DHRS7C: variants seen among roughly 807,000 people sequenced by gnomAD.
DHRS7C encodes dehydrogenase/reductase 7C.
DHRS7C carries 28 observed loss-of-function variants against 29.6 expected under a neutral mutation model. That is an observed-to-expected ratio of 0.95 (90% CI 0.70 to 1.30). The LOEUF (loss-of-function observed/expected upper bound fraction) is 1.30. Among genes scored for constraint, DHRS7C ranks in the 50% most tolerant of loss-of-function variants. The pLI is 0.00. For missense variants in DHRS7C, 403 were observed against 393.3 expected, an observed-to-expected ratio of 1.02 and a Z score of -0.21; for synonymous variants, 158 against 160.2, an observed-to-expected ratio of 0.99 and a Z score of 0.10.
intron 1 of DHRS7C, among the ~76,000 whole-genome samples, chr17:9,786,105 C>T (rs918723000): frequency 2.4e-4 from 36 of 151,736 alleles, no homozygotes; most frequent in Non-Finnish European, 4.9e-4. Context: ...GGTGGATTAC[C>T]TGAGGTCAGG....
In DHRS7C at chr17:9,774,876, G is replaced by GGTGGC. The variant is rs2066353325; in HGVS notation, c.572-1959_572-1955dup. Among the ~76,000 whole-genome samples the GGTGGC allele has an allele frequency of 6.6e-6, 1 of 152,144 alleles. No individual in the cohort carries two copies. The highest frequency in any genetic ancestry group is 2.4e-5 in the African/African-American group (1 of 41,424). On this transcript the variant is annotated intron_variant, in intron 4 of 5. Transcript: ENST00000571134. The surrounding 1 kb of genome is among the most constrained non-coding windows in gnomAD (Gnocchi z 5.0). Reference sequence around the variant, plus strand: ...AGAAGAGAATTTGGGGCCAGTCCAGGGTGGCATGGCTTCAGTTCTGACATT... The same window carrying GGTGGC: ...AGAAGAGAATTTGGGGCCAGTCCAGGGTGGCGTGGCATGGCTTCAGTTCTGACATT...
Position 9,771,806 on chromosome 17 carries a change from G to T in DHRS7C, c.728-110C>A. 4.4e-6 allele frequency: 5 copies of T among 1,143,834 alleles called. No individual in the cohort carries two copies. In the East Asian group the frequency reaches 9.5e-5, roughly 22 times the overall value. 70.9% of individuals were successfully genotyped at this position (1,143,834 alleles called of 1,614,324 possible). On this transcript the variant is annotated intron_variant, in intron 5 of 5. Coordinates refer to ENST00000571134, the MANE Select transcript of DHRS7C (RefSeq NM_001105571.3). ...GGGCGGGAAGCGTGGGCTGTCCCCGGAGTCACAGGTTCCAGGCCCCCTCCG... is the reference window on the plus strand; with the variant it reads ...GGGCGGGAAGCGTGGGCTGTCCCCGTAGTCACAGGTTCCAGGCCCCCTCCG...
intron 1 of DHRS7C, among the ~76,000 whole-genome samples, chr17:9,789,969 C>T (rs932163203): frequency 6.6e-6 from 1 of 152,140 alleles, no homozygotes; most frequent in Non-Finnish European, 1.5e-5. Context: ...CTTAGAGAGC[C>T]TAGTCTATCT....
At chr17:9,779,010 G>A (rs994434146) in intron 3 of DHRS7C, among the ~76,000 whole-genome samples, 1 of 152,094 alleles carries the variant, frequency 6.6e-6, no homozygotes, top group Non-Finnish European at 1.5e-5. Context: ...CCCAGGTTCA[G>A]AAGATCCTCC....
chr17:9,775,730 A>G lies in DHRS7C; in HGVS notation c.571+1463T>C, dbSNP rs1461497456. On this transcript the variant is annotated intron_variant, in intron 4 of 5. Transcript: ENST00000571134. This position sits in a 1 kb window ranked among gnomAD's most constrained non-coding sequence, Gnocchi z 4.2. ...TATGGAAAAAGGAAGGTAAAACACTACTAGAGCGGGTGTTATGGGTTGAAT... is the reference window on the plus strand; with the variant it reads ...TATGGAAAAAGGAAGGTAAAACACTGCTAGAGCGGGTGTTATGGGTTGAAT... Among the ~76,000 whole-genome samples the G allele has an allele frequency of 2.0e-5, 3 of 152,190 alleles. No homozygotes were observed. The highest frequency in any genetic ancestry group is 4.4e-5 in the Non-Finnish European group (3 of 68,044).
chr17:9,783,564 A>G (rs2066405422), intron 1 of DHRS7C, among the ~76,000 whole-genome samples: 1 of 152,246 alleles, frequency 6.6e-6, no homozygotes, highest in Non-Finnish European at 1.5e-5. Context: ...AAGAGTTAGC[A>G]GTTCAAGTCT....
intron 1 of DHRS7C, among the ~76,000 whole-genome samples, chr17:9,788,808 A>C (rs956282075): frequency 6.6e-5 from 10 of 152,314 alleles, no homozygotes; most frequent in Admixed American, 2.0e-4. Context: ...AGCAGCGTGG[A>C]GAGCTAGGCA....
In DHRS7C at chr17:9,791,351, A is replaced by G; in HGVS notation, c.-67T>C. On this transcript the variant is annotated 5_prime_UTR_variant, in exon 1 of 6. Coordinates refer to ENST00000571134, the MANE Select transcript of DHRS7C (RefSeq NM_001105571.3). The stretch of plus-strand genomic sequence containing the variant: ...CAAAGAGACGCTGATCAGGACTCCC[A>G]GGGCAGGGGGAGGCCCAAGGCTGCA... 2 of 1,564,702 alleles carry G rather than the reference A, an allele frequency of 1.3e-6. No individual in the cohort carries two copies. The highest frequency in any genetic ancestry group is 2.3e-5 in the East Asian group (1 of 44,106).
chr17:9,780,546 T>C (rs577465332), intron 2 of DHRS7C, among the ~76,000 whole-genome samples: 12 of 152,320 alleles, frequency 7.9e-5, no homozygotes, highest in African/African-American at 2.2e-4. Context: ...TTTAGCCAGA[T>C]ACTTGCTGCA....
rs2066393426 is a variant in DHRS7C at position 9,781,583 on chromosome 17, C to A, written c.166G>T (p.Val56Leu). The change falls in exon 2 of 6, where the codon GTG (valine) becomes TTG (leucine). Residue 56 changes from valine to leucine, a missense_variant. Physicochemically the swap from Val to Leu is conservative, Grantham distance 32 (BLOSUM62 1). Coordinates refer to ENST00000571134, the MANE Select transcript of DHRS7C (RefSeq NM_001105571.3). ...ISGLGKECAR[V>L]FHTGGARLVL... is the part of the protein sequence containing the mutation. Reference sequence around the variant, plus strand: ...AGCCTTGCCCCACCTGTGTGGAACACCCGAGCACACTCTGTGGGGAAGAAG... The same window carrying A: ...AGCCTTGCCCCACCTGTGTGGAACAACCGAGCACACTCTGTGGGGAAGAAG... 12 of 1,613,732 alleles carry A rather than the reference C, an allele frequency of 7.4e-6. No individual in the cohort carries two copies. The highest frequency in any genetic ancestry group is 2.2e-5 in the East Asian group (1 of 44,900).
chr17:9,789,521 C>T (rs12600607), intron 1 of DHRS7C, among the ~76,000 whole-genome samples: 1 of 152,240 alleles, frequency 6.6e-6, no homozygotes, highest in East Asian at 1.9e-4. Flanking sequence ...AAGCCTGTAT[C>T]TAGTGGACCC....
Position 9,780,055 on chromosome 17 carries a change from G to A in DHRS7C, c.268-20C>T, listed in dbSNP as rs971999366. The A allele has an allele frequency of 6.2e-7, 1 of 1,609,446 alleles. No homozygotes were observed. The highest frequency in any genetic ancestry group is 8.5e-7 in the Non-Finnish European group (1 of 1,177,928). On this transcript the variant is annotated intron_variant, in intron 2 of 5. Coordinates refer to ENST00000571134, the MANE Select transcript of DHRS7C (RefSeq NM_001105571.3). ...GAATGTCTGCTGAACCAATGAGAGA[G>A]TCAGGGTATGTGTGAGATCTCCTCC... is the stretch of plus-strand genomic sequence containing the variant.
At chr17:9,772,637 C>G in intron 5 of DHRS7C, 130 bp downstream of exon 5, 2 of 1,238,904 alleles carry the variant, frequency 1.6e-6, no homozygotes, top group Non-Finnish European at 2.2e-6. Flanking sequence ...TTGGGGGTTG[C>G]TGAGCCTCCT....
intron 1 of DHRS7C, among the ~76,000 whole-genome samples, chr17:9,781,870 G>A (rs2066395187): frequency 6.6e-6 from 1 of 152,130 alleles, no homozygotes; most frequent in Non-Finnish European, 1.5e-5. Context: ...TCCTTACACT[G>A]AACAGAAGGA....
intron 5 of DHRS7C, among the ~76,000 whole-genome samples, chr17:9,771,900 A>G (rs997086590): frequency 4.6e-5 from 7 of 152,232 alleles, no homozygotes; most frequent in African/African-American, 1.7e-4. Context: ...GTCTTCGTCT[A>G]TAGGATGGAC....
Position 9,791,292 on chromosome 17 carries a change from T to G in DHRS7C, c.-8A>C, listed in dbSNP as rs1567705483. On this transcript the variant is annotated 5_prime_UTR_variant, in exon 1 of 6. Coordinates refer to ENST00000571134, the MANE Select transcript of DHRS7C (RefSeq NM_001105571.3). Reference sequence around the variant, plus strand: ...CATGGCCATGACTCCCATCTTGTTCTGGGGGACAACGGAGTAAAAGGGGAT... The same window carrying G: ...CATGGCCATGACTCCCATCTTGTTCGGGGGGACAACGGAGTAAAAGGGGAT... 1.2e-5 allele frequency: 20 copies of G among 1,613,254 alleles called. No homozygotes were observed. Among genetic ancestry groups the G allele is most frequent in the Non-Finnish European group, 1.7e-5 (20 of 1,179,702 alleles).
At chr17:9,790,639 A>T (rs1041380379) in intron 1 of DHRS7C, among the ~76,000 whole-genome samples, 3 of 152,186 alleles carry the variant, frequency 2.0e-5, no homozygotes, top group African/African-American at 7.2e-5. Flanking sequence ...TCTAAGTGCT[A>T]TCCATCTATG....
At chr17:9,791,013 A>G in intron 1 of DHRS7C, 118 bp downstream of exon 1, 2 of 1,255,202 alleles carry the variant, frequency 1.6e-6, no homozygotes, top group East Asian at 2.6e-5. Flanking sequence ...AGAACACAGG[A>G]TCGATCCCCT....
At chr17:9,780,123 T>G in intron 2 of DHRS7C, 88 bp from the exon 3 acceptor site, 3 of 1,161,730 alleles carry the variant, frequency 2.6e-6, no homozygotes, top group Non-Finnish European at 2.4e-6. Flanking sequence ...AGCCACCCAT[T>G]TTGAAATTCA....
Sources: gnomAD v4.1 joint callset for allele counts (sites outside exome capture counted in the v4.1 genomes callset) on GRCh38, gnomAD v4.1.1 for gene constraint, Gnocchi (gnomAD v3.1) non-coding constraint, MANE v1.5 for transcripts, NCBI Gene and HGNC (gene_info 2026-07-23, HGNC 2026-07-21) for gene names.